Variants in SRBD1 observed in about 807,000 individuals in gnomAD.
SRBD1 encodes S1 RNA binding domain 1.
Under a neutral mutation model 115.3 loss-of-function variants are expected in SRBD1, and 88 were observed. The ratio of observed to expected loss-of-function variants is 0.76; its 90% CI spans 0.64 to 0.91. The LOEUF is 0.91. SRBD1 is among the 40% of genes least tolerant of loss of function. SRBD1 has a pLI of 0.00. For synonymous variants in SRBD1, 509 were observed against 407.7 expected (o/e 1.25, Z -2.99); for missense variants, 1,385 against 1,177.4 (o/e 1.18, Z -2.58).
rs758080599 is a variant in SRBD1 at position 45,389,469 on chromosome 2, A to G, written c.2829T>C (p.Ser943=). The part of the protein sequence containing the change: ...GIFVDIGVGK[S]GLIPIRNVTE... Reference sequence around the variant, plus strand: ...TTACATTTCGTATGGGAATCAGCCCAGATTTCCCCACTCCTATATCCACAA... The same window carrying G: ...TTACATTTCGTATGGGAATCAGCCCGGATTTCCCCACTCCTATATCCACAA... Residue 943 remains serine (S), a synonymous_variant, in exon 21 of 21, where the codon TCT becomes TCC. Coordinates refer to ENST00000263736, the MANE Select transcript of SRBD1 (RefSeq NM_018079.5). 1.2e-6 allele frequency: 2 copies of G among 1,614,106 alleles called. No homozygotes were observed.
chr2:45,478,636 T>C (rs1669873596), intron 15 of SRBD1, among the ~76,000 whole-genome samples: 1 of 152,218 alleles, frequency 6.6e-6, no homozygotes, highest in Non-Finnish European at 1.5e-5. Flanking sequence ...ACCACATTTA[T>C]AATTACAGAT....
chr2:45,481,276 T>C (rs572778797), intron 15 of SRBD1, among the ~76,000 whole-genome samples: 55 of 152,272 alleles, frequency 3.6e-4, no homozygotes, highest in African/African-American at 1.3e-3. Flanking sequence ...ATGGTGCTAC[T>C]TTCCTGCCGG....
chr2:45,488,158 A>G, intron 15 of SRBD1, 82 bp downstream of exon 15: 1 of 1,198,700 alleles, frequency 8.3e-7, no homozygotes, highest in East Asian at 2.3e-5. Flanking sequence ...ATTTTCTTTG[A>G]TATTTAGAAT....
chr2:45,406,068 A>G (rs1027783954), intron 19 of SRBD1, among the ~76,000 whole-genome samples: 3 of 152,178 alleles, frequency 2.0e-5, no homozygotes, highest in African/African-American at 7.2e-5. Context: ...AGCTTTATAA[A>G]GCTATTATAA....
At chr2:45,560,626 G>T (rs1270295271) in intron 10 of SRBD1, among the ~76,000 whole-genome samples, 1 of 152,138 alleles carries the variant, frequency 6.6e-6, no homozygotes, top group Admixed American at 6.5e-5. Flanking sequence ...AATATAACTG[G>T]AATTCAAACT....
At chr2:45,602,206 T>C (rs1208309100) in intron 2 of SRBD1, 123 bp from the exon 3 acceptor site, 12 of 1,121,756 alleles carry the variant, frequency 1.1e-5, no homozygotes, top group African/African-American at 4.7e-5. Context: ...AATGGAGTGA[T>C]TGAGTACAGG....
chr2:45,603,500 T>C (rs1196458959), intron 2 of SRBD1, among the ~76,000 whole-genome samples: 2 of 152,170 alleles, frequency 1.3e-5, no homozygotes, highest in East Asian at 3.9e-4. Context: ...GGTAATCTTG[T>C]ATTTTCTCGA....
intron 15 of SRBD1, among the ~76,000 whole-genome samples, chr2:45,479,121 G>A (rs747072970): frequency 3.9e-5 from 6 of 152,094 alleles, no homozygotes; most frequent in African/African-American, 7.2e-5. Flanking sequence ...AATAAATGAT[G>A]TCTGTGTCCT....
At chr2:45,540,279 T>A (rs527579585) in intron 14 of SRBD1, among the ~76,000 whole-genome samples, 1 of 151,190 alleles carries the variant, frequency 6.6e-6, no homozygotes, top group African/African-American at 2.4e-5. Context: ...AGGCAGAGGC[T>A]GCAGTGAGCT....
chr2:45,421,599 T>C (rs1350817813), intron 16 of SRBD1, among the ~76,000 whole-genome samples: 1 of 150,578 alleles, frequency 6.6e-6, no homozygotes, highest in Non-Finnish European at 1.5e-5. Context: ...AAAGTATTTG[T>C]TGACTAACTG....
At chr2:45,453,724 C>A (rs930733299) in intron 16 of SRBD1, among the ~76,000 whole-genome samples, 1 of 151,784 alleles carries the variant, frequency 6.6e-6, no homozygotes, top group Non-Finnish European at 1.5e-5. Flanking sequence ...TGTTTTTAAT[C>A]TTCACTGCAA....
intron 4 of SRBD1, among the ~76,000 whole-genome samples, chr2:45,594,736 C>A (rs573215318): frequency 1.1e-3 from 174 of 152,240 alleles, no homozygotes; most frequent in African/African-American, 3.9e-3. Flanking sequence ...GTTCCATAGA[C>A]TAAAAATCAA....
intron 16 of SRBD1, among the ~76,000 whole-genome samples, chr2:45,426,007 A>C (rs993355870): frequency 3.3e-5 from 5 of 151,068 alleles, no homozygotes; most frequent in African/African-American, 1.2e-4. Flanking sequence ...AGAACCATTC[A>C]CTCTCCTGGA....
chr2:45,603,038 T>C (rs1674149034), intron 2 of SRBD1, among the ~76,000 whole-genome samples: 1 of 152,124 alleles, frequency 6.6e-6, no homozygotes, highest in Admixed American at 6.5e-5. Flanking sequence ...GCAGTGGAAC[T>C]GAAAGAAACT....
In SRBD1 at chr2:45,389,174, A is replaced by C. The variant is rs115258782; in HGVS notation, c.*136T>G. 5,563 of 1,074,352 alleles carry C rather than the reference A, an allele frequency of 5.2e-3. 192 individuals carry two copies. In the African/African-American group the frequency reaches 0.081, roughly 16 times the overall value. The allele number at this position is 1,074,352 out of a possible 1,614,324, so 66.6% of individuals were successfully genotyped here. On this transcript the variant is annotated 3_prime_UTR_variant, in exon 21 of 21. Coordinates refer to ENST00000263736, the MANE Select transcript of SRBD1 (RefSeq NM_018079.5). ...ATTTATTCAGAAGAAAAAATAAAGG[A>C]AAGTGTTTGGAAAATATTTCTGATA...
At chr2:45,582,567 A>G (rs73927561) in intron 5 of SRBD1, among the ~76,000 whole-genome samples, 15 of 152,162 alleles carry the variant, frequency 9.9e-5, no homozygotes, top group Non-Finnish European at 1.9e-4. Context: ...TGATTTATTT[A>G]TATCACTATA....
intron 16 of SRBD1, among the ~76,000 whole-genome samples, chr2:45,475,988 T>C (rs148245830): frequency 2.0e-5 from 3 of 152,236 alleles, no homozygotes; most frequent in Middle Eastern, 3.2e-3. Flanking sequence ...CATGAGCCAC[T>C]GCACCTAGCC....
chr2:45,435,678 C>T (rs1411025017), intron 16 of SRBD1, among the ~76,000 whole-genome samples: 3 of 151,926 alleles, frequency 2.0e-5, no homozygotes, highest in East Asian at 3.9e-4. Context: ...CTGAAGAGAC[C>T]TCGTTGAACA....
At chr2:45,541,115 A>C (rs1432546289) in intron 14 of SRBD1, among the ~76,000 whole-genome samples, 2 of 152,206 alleles carry the variant, frequency 1.3e-5, no homozygotes, top group Non-Finnish European at 1.5e-5. Flanking sequence ...TGTGTGAGTG[A>C]GCACAGGGTC....
Sources: allele counts gnomAD v4.1 joint callset (sites outside exome capture counted in the v4.1 genomes callset), GRCh38; gene constraint gnomAD v4.1.1; transcripts MANE v1.5; gene names NCBI Gene and HGNC (gene_info 2026-07-23, HGNC 2026-07-21).